The following BBS4 variants were observed in gnomAD, a reference collection of about 807,000 sequenced individuals.
BBS4 encodes the protein BBSome complex member BBS4.
BBS4 carries 58 observed loss-of-function variants against 71.4 expected under a neutral mutation model. The observed-to-expected ratio is 0.81, with a 90% confidence interval of 0.66 to 1.01. The LOEUF is 1.01. BBS4 is among the 50% of genes least tolerant of loss of function. The pLI is 0.00. For missense variants in BBS4, 660 were observed against 607.9 expected (o/e 1.09, Z -0.90); for synonymous variants, 228 against 216.8 (o/e 1.05, Z -0.46).
At chr15:72,731,158 A>G (rs1354560846) in intron 10 of BBS4, 147 bp from the exon 11 acceptor site, 5 of 787,684 alleles carry the variant, frequency 6.3e-6, no homozygotes, top group African/African-American at 3.9e-5. Flanking sequence ...ATTTGTCCCA[A>G]TAGGTTGGAT....
intron 5 of BBS4, 25 bp from the exon 6 acceptor site, chr15:72,716,753 A>C (rs2065474279): frequency 1.3e-6 from 2 of 1,541,560 alleles, no homozygotes; most frequent in Non-Finnish European, 1.8e-6. Context: ...TGAGGTAATA[A>C]TTATGGAAAA....
rs1363448716 is a variant in BBS4, at chr15:72,737,773, A to G, written c.*186A>G. The stretch of plus-strand genomic sequence containing the variant: ...CTGGTATTGGCATTTGAGGTCGGAA[A>G]CCCTCTACTGCCCCATAAGCCAGGA... On this transcript the variant is annotated 3_prime_UTR_variant, in exon 16 of 16. Transcript: ENST00000268057. 1.6e-6 allele frequency: 1 copy of G among 632,094 alleles called. No individual in the cohort carries two copies. Among genetic ancestry groups the G allele is most frequent in the Non-Finnish European group, 2.9e-6 (1 of 342,210 alleles). 39.2% of individuals were successfully genotyped at this position (632,094 alleles called of 1,614,324 possible). A position where few individuals can be genotyped will look rare whatever the true frequency, so the allele number is the denominator to read the frequency against.
Position 72,724,638 on chromosome 15 carries a change from C to G in BBS4, c.570C>G (p.Val190=), listed in dbSNP as rs1468725330. ...LEGDLDKAIE[V]YKKAVEFSPE... ...GAGACTTGGACAAGGCCATTGAAGT[C>G]TACAAGAAAGCAGTGGAGTAAGTGT... Residue 190 remains valine (V), a synonymous_variant, in exon 8 of 16, where the codon GTC becomes GTG. Coordinates refer to ENST00000268057, the MANE Select transcript of BBS4 (RefSeq NM_033028.5). The G allele has an allele frequency of 6.2e-7, 1 of 1,613,860 alleles. No individual in the cohort carries two copies. Among genetic ancestry groups the G allele is most frequent in the East Asian group, 2.2e-5 (1 of 44,882 alleles).
intron 5 of BBS4, among the ~76,000 whole-genome samples, chr15:72,716,235 T>G (rs191256998): frequency 6.6e-6 from 1 of 152,202 alleles, no homozygotes; most frequent in Non-Finnish European, 1.5e-5. Flanking sequence ...ATCTCAAGTG[T>G]TTATAAACTA....
chr15:72,717,125 C>G, intron 6 of BBS4: 2 of 431,238 alleles, frequency 4.6e-6, no homozygotes, highest in Non-Finnish European at 8.4e-6. Context: ...GTATTTTTTT[C>G]GTCATTGGAA....
chr15:72,702,301 C>A (rs1224141830), intron 2 of BBS4, among the ~76,000 whole-genome samples: 1 of 152,154 alleles, frequency 6.6e-6, no homozygotes, highest in Non-Finnish European at 1.5e-5. Context: ...CTTCCATTAA[C>A]TACTTGTTGA....
chr15:72,734,338 C>G (rs914954437), intron 12 of BBS4, among the ~76,000 whole-genome samples: 2 of 152,186 alleles, frequency 1.3e-5, no homozygotes, highest in South Asian at 2.1e-4. Context: ...TCCTGAACAA[C>G]AAGCTAAAAT....
intron 12 of BBS4, among the ~76,000 whole-genome samples, chr15:72,733,029 G>T (rs2065854823): frequency 6.6e-6 from 1 of 152,208 alleles, no homozygotes; most frequent in Non-Finnish European, 1.5e-5. Context: ...AGGCAGTTAA[G>T]AATATGAACA....
At position 72,713,314 on chromosome 15, in the gene BBS4, G is replaced by GACACACACACACACACAC. The variant is rs36072427; in HGVS notation, c.220+1026_220+1043dup. ...TTTGTGACCCATCTAAGGTCTTTGT[G>GACACACACACACACACAC]ACACACACACACACACACACACACA... On this transcript the variant is annotated intron_variant, in intron 4 of 15. Transcript: ENST00000268057. 1.0e-3 allele frequency among the ~76,000 whole-genome samples: 144 copies of GACACACACACACACACAC among 143,550 alleles called. 1 individual carries two copies. The highest frequency in any genetic ancestry group is 1.7e-3 in the Non-Finnish European group (112 of 65,964). 94.2% of individuals were successfully genotyped at this position (143,550 alleles called of 152,430 possible).
At chr15:72,714,220 C>CT (rs58123834) in intron 4 of BBS4, among the ~76,000 whole-genome samples, 71,535 of 98,544 alleles carry the variant, frequency 0.73, 27,432 homozygotes, top group South Asian at 0.85. Context: ...CACTCACTTA[C>CT]TTTTTTTTTT....
chr15:72,731,612 T>A lies in BBS4; in HGVS notation c.922T>A (p.Tyr308Asn). 1.9e-6 allele frequency: 3 copies of A among 1,614,204 alleles called. No individual in the cohort carries two copies. Among genetic ancestry groups the A allele is most frequent in the Non-Finnish European group, 2.5e-6 (3 of 1,180,042 alleles). The change falls in exon 12 of 16, where the codon TAT (tyrosine) becomes AAT (asparagine). Residue 308 changes from tyrosine to asparagine, a missense_variant. Coordinates refer to ENST00000268057, the MANE Select transcript of BBS4 (RefSeq NM_033028.5). ...GGCACCCTTTGATTGGAAGATTCTG[T>A]ATAATTTGGGCCTTGTCCATTTGAC... ...YLAPFDWKIL[Y>N]NLGLVHLTMQ... is the part of the protein sequence containing the mutation.
Position 72,686,496 on chromosome 15 carries a change from A to C in BBS4, c.24+245A>C, listed in dbSNP as rs577064407. ...CCCTCTTGGGGTGCGCTGGACGGAGAAGGGAGACTTTTCACCAGTAATGGC... is the reference window on the plus strand; with the variant it reads ...CCCTCTTGGGGTGCGCTGGACGGAGCAGGGAGACTTTTCACCAGTAATGGC... On this transcript the variant is annotated intron_variant, in intron 1 of 15. Coordinates refer to ENST00000268057, the MANE Select transcript of BBS4 (RefSeq NM_033028.5). The C allele has an allele frequency of 3.6e-3, 5,473 of 1,521,670 alleles. 21 individuals carry two copies. Among genetic ancestry groups the C allele is most frequent in the Non-Finnish European group, 4.1e-3 (4,679 of 1,138,856 alleles). 94.3% of individuals were successfully genotyped at this position (1,521,670 alleles called of 1,614,324 possible).
intron 10 of BBS4, among the ~76,000 whole-genome samples, chr15:72,731,065 C>CTTTTTTTTTTTT (rs35004414): frequency 7.7e-5 from 6 of 77,636 alleles, no homozygotes; most frequent in Admixed American, 2.9e-4. Context: ...AACATTTTAT[C>CTTTTTTTTTTTT]TTTTTTTTTT....
At chr15:72,711,440 C>T (rs2065370361) in intron 3 of BBS4, among the ~76,000 whole-genome samples, 1 of 152,180 alleles carries the variant, frequency 6.6e-6, no homozygotes, top group Non-Finnish European at 1.5e-5. Context: ...TGAGCCACCG[C>T]GCCTGGCCAC....
chr15:72,733,901 G>A (rs975664438), intron 12 of BBS4, among the ~76,000 whole-genome samples: 8 of 152,208 alleles, frequency 5.3e-5, no homozygotes, highest in Non-Finnish European at 8.8e-5. Flanking sequence ...CAGTGTATAA[G>A]CATTCCCTTT....
At chr15:72,709,376 C>T (rs2151015761) in intron 2 of BBS4, among the ~76,000 whole-genome samples, 1 of 152,288 alleles carries the variant, frequency 6.6e-6, no homozygotes, top group Admixed American at 6.5e-5. Context: ...TCTTTCTGTT[C>T]ACCTTCTATA....
rs2065970579 is a variant in BBS4, at chr15:72,738,390, A to AGATT, written c.*804_*807dup. 2.4e-6 allele frequency: 1 copy of AGATT among 423,808 alleles called. No homozygotes were observed. The highest frequency in any genetic ancestry group is 4.7e-6 in the Non-Finnish European group (1 of 214,834). 26.3% of individuals were successfully genotyped at this position (423,808 alleles called of 1,614,324 possible). A position where few individuals can be genotyped will look rare whatever the true frequency, so the allele number is the denominator to read the frequency against. On this transcript the variant is annotated 3_prime_UTR_variant, in exon 16 of 16. Transcript: ENST00000268057. ...ACACTATGTGTCCTTTTTAGAATAA[A>AGATT]GATTACATATCATCATTCCTTTGGG...
chr15:72,689,198 A>G (rs757256633), intron 1 of BBS4, among the ~76,000 whole-genome samples: 16 of 152,332 alleles, frequency 1.1e-4, no homozygotes, highest in South Asian at 2.1e-4. Context: ...GGAGGAGAGA[A>G]AAGGAAAAGA....
At chr15:72,726,261 G>A (rs1169811043) in intron 8 of BBS4, among the ~76,000 whole-genome samples, 2 of 151,686 alleles carry the variant, frequency 1.3e-5, no homozygotes, top group Admixed American at 6.6e-5. Context: ...GCACGAGCAC[G>A]CCACCACCCC....
Sources: allele counts gnomAD v4.1 joint callset (sites outside exome capture counted in the v4.1 genomes callset), GRCh38; gene constraint gnomAD v4.1.1; transcripts MANE v1.5; gene names NCBI Gene and HGNC (gene_info 2026-07-23, HGNC 2026-07-21).